HDAC4: variants seen among roughly 807,000 people sequenced by gnomAD.
The protein encoded by HDAC4 is histone deacetylase 4.
In HDAC4, 16 loss-of-function variants were observed where a neutral mutation model predicts 135.1. The observed-to-expected ratio is 0.12, with a 90% CI of 0.08 to 0.18. The LOEUF (loss-of-function observed/expected upper bound fraction) is 0.18, where lower values mean the gene tolerates loss of function less well. Among genes scored for constraint, HDAC4 ranks in the 10% least tolerant of loss-of-function variants. The pLI, the probability that HDAC4 is intolerant of heterozygous loss-of-function variation, is 1.00. For synonymous variants in HDAC4, 685 were observed against 653.4 expected (o/e 1.05, Z -0.74); for missense variants, 1,143 against 1,511.8 (o/e 0.76, Z 4.05).
In HDAC4 at chr2:239,049,552, G is replaced by A. The variant is rs1025552954; in HGVS notation, c.*3545C>T. On this transcript the variant is annotated 3_prime_UTR_variant, in exon 27 of 27. Transcript: ENST00000543185. ...GTCTACAAAAAGAAGAATGGAATGA[G>A]CACGTGGCTGTGACCAGTAAAGAAG... The A allele has an allele frequency of 4.6e-5, 7 of 152,472 alleles. No homozygotes were observed. The highest frequency in any genetic ancestry group is 1.7e-4 in the African/African-American group (7 of 41,436). 9.4% of individuals were successfully genotyped at this position (152,472 alleles called of 1,614,324 possible).
intron 2 of HDAC4, chr2:239,298,223 A>G (rs1252394996): frequency 7.8e-7 from 1 of 1,289,570 alleles, no homozygotes; most frequent in Non-Finnish European, 1.0e-6. Flanking sequence ...GGTATTCCGG[A>G]AGCAGCCAGA....
At chr2:239,209,770 G>C (rs1471856356) in intron 3 of HDAC4, among the ~76,000 whole-genome samples, 4 of 152,200 alleles carry the variant, frequency 2.6e-5, no homozygotes, top group African/African-American at 4.8e-5. Flanking sequence ...ACCTGTATCC[G>C]TAACATGTAA....
At position 239,084,164 on chromosome 2, in the gene HDAC4, G is replaced by T; in HGVS notation, c.2523C>A (p.Ile841=). 1.2e-6 allele frequency: 2 copies of T among 1,612,764 alleles called. No individual in the cohort carries two copies. Among genetic ancestry groups the T allele is most frequent in the Non-Finnish European group, 1.7e-6 (2 of 1,179,082 alleles). The change falls in exon 20 of 27, where the codon ATC becomes ATA. Residue 841 remains isoleucine (I), a synonymous_variant. Coordinates refer to ENST00000543185, the MANE Select transcript of HDAC4 (RefSeq NM_001378414.1). ...AGGCGGCTCTGCTTACCCAGTCCAC[G>T]ATGAGGATCTTGCTCACGCTCAACC... ...QQRLSVSKIL[I]VDWDVHHGNG...
At chr2:239,230,569 C>T (rs2047494935) in intron 3 of HDAC4, among the ~76,000 whole-genome samples, 1 of 152,110 alleles carries the variant, frequency 6.6e-6, no homozygotes, top group African/African-American at 2.4e-5. Flanking sequence ...GCCGCCACGG[C>T]CTCTCTTCTT....
chr2:239,219,327 G>A (rs937241834), intron 3 of HDAC4, among the ~76,000 whole-genome samples: 1 of 152,092 alleles, frequency 6.6e-6, no homozygotes, highest in Admixed American at 6.5e-5. Flanking sequence ...TAGGGACATG[G>A]ATGAAATTGG....
chr2:239,344,430 T>C (rs968880535), intron 2 of HDAC4, among the ~76,000 whole-genome samples: 2 of 152,162 alleles, frequency 1.3e-5, no homozygotes, highest in Non-Finnish European at 2.9e-5. Flanking sequence ...TTTCAGAGAA[T>C]TGCCAAAACA....
Position 239,190,601 on chromosome 2 carries a change from C to T in HDAC4, c.95-524G>A, listed in dbSNP as rs188557858. ...GTGCCCCAGAAGTGGTCCAGACAGA[C>T]GCTCGAGACCCGGAGCCCGTTTCCA... On this transcript the variant is annotated intron_variant, in intron 3 of 26. Coordinates refer to ENST00000543185, the MANE Select transcript of HDAC4 (RefSeq NM_001378414.1). 2.6e-5 allele frequency among the ~76,000 whole-genome samples: 4 copies of T among 152,320 alleles called. No homozygotes were observed. In the East Asian group the frequency reaches 5.8e-4, roughly 22 times the overall value.
rs1305866599 is a variant in HDAC4, at chr2:239,148,371, CAGG to C, written c.734-3660_734-3658del. 2.6e-5 allele frequency among the ~76,000 whole-genome samples: 4 copies of C among 152,172 alleles called. No individual in the cohort carries two copies. In the East Asian group the frequency reaches 5.8e-4, roughly 22 times the overall value. On this transcript the variant is annotated intron_variant, in intron 7 of 26. Transcript: ENST00000543185. Reference sequence around the variant, plus strand: ...TCGTACAACAAATTACTGGAAACGCCAGGAGAAGAGAGAATCAGCAGGGTGGAG... The same window carrying C: ...TCGTACAACAAATTACTGGAAACGCCAGAAGAGAGAATCAGCAGGGTGGAG...
chr2:239,175,582 C>G (rs145548278), intron 5 of HDAC4, among the ~76,000 whole-genome samples: 2 of 152,234 alleles, frequency 1.3e-5, no homozygotes, highest in Admixed American at 1.3e-4. Context: ...TGTACAAACA[C>G]AGCCCCCACA....
rs1023635442 is a variant in HDAC4, at chr2:239,285,957, G to C, written c.23-49293C>G. On this transcript the variant is annotated intron_variant, in intron 2 of 26. Coordinates refer to ENST00000543185, the MANE Select transcript of HDAC4 (RefSeq NM_001378414.1). This position sits in a 1 kb window ranked among gnomAD's most constrained non-coding sequence, Gnocchi z 4.5. ...TCTATTTCCAAACAGTAAGACCAGC[G>C]AGACATACGCTCCCAAGCAAACACA... Among the ~76,000 whole-genome samples, 2 of 151,942 alleles carry C rather than the reference G, an allele frequency of 1.3e-5. No individual in the cohort carries two copies. Among genetic ancestry groups the C allele is most frequent in the Admixed American group, 6.6e-5 (1 of 15,242 alleles).
chr2:239,088,603 G>C (rs61588945), intron 18 of HDAC4, among the ~76,000 whole-genome samples: 1 of 152,204 alleles, frequency 6.6e-6, no homozygotes, highest in Non-Finnish European at 1.5e-5. Flanking sequence ...GGTAGACGGC[G>C]GGCAGGGAAC....
At chr2:239,233,970 T>C (rs917954824) in intron 3 of HDAC4, among the ~76,000 whole-genome samples, 5 of 152,210 alleles carry the variant, frequency 3.3e-5, no homozygotes, top group Admixed American at 6.5e-5. Context: ...ACATAACATA[T>C]ACCTAAAAAT....
At chr2:239,246,928 G>A (rs748347593) in intron 2 of HDAC4, among the ~76,000 whole-genome samples, 26 of 152,268 alleles carry the variant, frequency 1.7e-4, no homozygotes, top group Non-Finnish European at 3.2e-4. Context: ...GGGAGCGTGC[G>A]AGGAGGATCA....
intron 2 of HDAC4, among the ~76,000 whole-genome samples, chr2:239,335,509 A>C (rs1289429921): frequency 3.6e-5 from 2 of 55,902 alleles, no homozygotes; most frequent in Non-Finnish European, 5.9e-5. Context: ...TCTGTTCAGC[A>C]AAAAAAAAAA....
chr2:239,189,223 T>C (rs2044741463), intron 4 of HDAC4, among the ~76,000 whole-genome samples: 1 of 152,260 alleles, frequency 6.6e-6, no homozygotes, highest in Admixed American at 6.5e-5. Context: ...CAGCATATTA[T>C]AATCACAGAT....
intron 1 of HDAC4, among the ~76,000 whole-genome samples, chr2:239,363,198 C>T (rs1693968889): frequency 6.6e-6 from 1 of 152,178 alleles, no homozygotes; most frequent in African/African-American, 2.4e-5. Flanking sequence ...GGACCGGAAA[C>T]CCCAATGAGA....
At chr2:239,161,889 G>A in intron 6 of HDAC4, 2 of 366,688 alleles carry the variant, frequency 5.5e-6, no homozygotes, top group South Asian at 4.1e-5. Context: ...GCTGCCCCAG[G>A]CCACTTCTTC....
At chr2:239,385,267 C>T (rs1391972972) in intron 1 of HDAC4, among the ~76,000 whole-genome samples, 7 of 152,204 alleles carry the variant, frequency 4.6e-5, no homozygotes, top group South Asian at 2.1e-4. Context: ...TAGCCAGAGG[C>T]GACACTCTTG....
In HDAC4 at chr2:239,177,823, C is replaced by T. The variant is rs117626256; in HGVS notation, c.340-1260G>A. On this transcript the variant is annotated intron_variant, in intron 4 of 26. Transcript: ENST00000543185. ...ACAGAAGAACTGTTTAAAAAGAAAT[C>T]GGGATAAATGTTCAAGCTCACTAGT... is the stretch of plus-strand genomic sequence containing the variant. Among the ~76,000 whole-genome samples, 71 of 152,296 alleles carry T rather than the reference C, an allele frequency of 4.7e-4. 1 individual carries two copies. The East Asian group carries it at 8.7e-3, about 19-fold the overall frequency.
Sources: gnomAD v4.1 joint callset for allele counts (sites outside exome capture counted in the v4.1 genomes callset) on GRCh38, gnomAD v4.1.1 for gene constraint, Gnocchi (gnomAD v3.1) non-coding constraint, MANE v1.5 for transcripts, NCBI Gene and HGNC (gene_info 2026-07-23, HGNC 2026-07-21) for gene names.